Variants in ZBTB16 observed in about 807,000 individuals in gnomAD.
ZBTB16 encodes the protein zinc finger and BTB domain-containing protein 16.
In ZBTB16, 8 loss-of-function variants were observed where a neutral mutation model predicts 56.8. The ratio of observed to expected loss-of-function variants is 0.14; its 90% confidence interval spans 0.08 to 0.25. The LOEUF is 0.25. Among genes scored for constraint, ZBTB16 ranks in the 10% least tolerant of loss-of-function variants. ZBTB16 has a pLI of 1.00. For synonymous variants in ZBTB16, 363 were observed against 368.5 expected, an observed-to-expected ratio of 0.98 and a Z score of 0.17; for missense variants, 625 against 903.0, an observed-to-expected ratio of 0.69 and a Z score of 3.95.
intron 2 of ZBTB16, among the ~76,000 whole-genome samples, chr11:114,148,338 T>TGGC (rs1565651461): frequency 9.4e-5 from 9 of 95,338 alleles, no homozygotes; most frequent in African/African-American, 1.5e-4. Flanking sequence ...GCTGGCTGGC[T>TGGC]TCCTTCCTTC....
chr11:114,068,238 T>C (rs1939197852), intron 2 of ZBTB16, among the ~76,000 whole-genome samples: 1 of 151,896 alleles, frequency 6.6e-6, no homozygotes, highest in Admixed American at 6.6e-5. Context: ...CATTTCTTCT[T>C]GGGGTGGGGG....
chr11:114,079,133 G>A (rs1455598512), intron 2 of ZBTB16, among the ~76,000 whole-genome samples: 1 of 151,020 alleles, frequency 6.6e-6, no homozygotes, highest in African/African-American at 2.4e-5. Flanking sequence ...GAAGAAGGAG[G>A]CACCCTGGAT....
At chr11:114,198,648 G>T (rs1010765438) in intron 4 of ZBTB16, among the ~76,000 whole-genome samples, 4 of 152,146 alleles carry the variant, frequency 2.6e-5, no homozygotes, top group Admixed American at 1.3e-4. Context: ...AGTTCCCACT[G>T]TACCCCCGTC....
chr11:114,211,714 C>T lies in ZBTB16; in HGVS notation c.1453+24676C>T, dbSNP rs1423268368. ...CTTCTTTGCAGTGATTTTCAGAGTC[C>T]CCGTTTGCGTTCGCAGTGGGGAGTT... On this transcript the variant is annotated intron_variant, in intron 4 of 6. Coordinates refer to ENST00000335953, the MANE Select transcript of ZBTB16 (RefSeq NM_006006.6). 5.9e-5 allele frequency among the ~76,000 whole-genome samples: 9 copies of T among 152,296 alleles called. No individual in the cohort carries two copies. The South Asian group carries it at 6.2e-4, about 11-fold the overall frequency.
intron 2 of ZBTB16, among the ~76,000 whole-genome samples, chr11:114,086,397 T>A (rs1276240421): frequency 2.6e-5 from 4 of 152,278 alleles, no homozygotes; most frequent in Non-Finnish European, 1.5e-5. Flanking sequence ...TCTGTCTGTC[T>A]TGGTGCTTGC....
intron 4 of ZBTB16, among the ~76,000 whole-genome samples, chr11:114,196,813 A>G (rs1943621655): frequency 6.6e-6 from 1 of 152,072 alleles, no homozygotes; most frequent in Admixed American, 6.6e-5. Flanking sequence ...CTTTTGAGTT[A>G]TTATTTTTAT....
rs773801156 is a variant in ZBTB16, at chr11:114,210,192, T to TGTGC, written c.1453+23155_1453+23156insTGCG. Among the ~76,000 whole-genome samples, 1,054 of 143,326 alleles carry TGTGC rather than the reference T, an allele frequency of 7.4e-3. 12 individuals are homozygous for TGTGC. Among genetic ancestry groups the TGTGC allele is most frequent in the East Asian group, 0.018 (85 of 4,810 alleles). The allele number at this position is 143,326 out of a possible 152,430, so 94.0% of individuals were successfully genotyped here. ...GTGTGTGTGTGTGTGTGTGTGTGTGTGCGTGCGCGCGCGTGCACAGTTTGT... is the reference window on the plus strand; with the variant it reads ...GTGTGTGTGTGTGTGTGTGTGTGTGTGTGCGCGTGCGCGCGCGTGCACAGTTTGT... On this transcript the variant is annotated intron_variant, in intron 4 of 6. Transcript: ENST00000335953.
intron 2 of ZBTB16, among the ~76,000 whole-genome samples, chr11:114,148,389 C>CTTCCT (rs561369724): frequency 3.3e-5 from 2 of 59,814 alleles, no homozygotes; most frequent in East Asian, 6.3e-4. Flanking sequence ...TCCTTCCTTC[C>CTTCCT]TCCTTCCCTC....
At chr11:114,219,112 G>A (rs1565692569) in intron 4 of ZBTB16, among the ~76,000 whole-genome samples, 1 of 152,308 alleles carries the variant, frequency 6.6e-6, no homozygotes, top group East Asian at 1.9e-4. Context: ...GGGCAGAGTG[G>A]TGGATGCACT....
intron 2 of ZBTB16, among the ~76,000 whole-genome samples, chr11:114,135,981 T>C (rs1941787261): frequency 6.6e-6 from 1 of 152,188 alleles, no homozygotes; most frequent in African/African-American, 2.4e-5. Context: ...CACTTCCTTC[T>C]TGTGGGGGAG....
At chr11:114,238,145 C>T (rs887801847) in intron 4 of ZBTB16, among the ~76,000 whole-genome samples, 2 of 152,232 alleles carry the variant, frequency 1.3e-5, no homozygotes, top group Non-Finnish European at 2.9e-5. Context: ...GATTTTCTCT[C>T]TCCCTTTGCC....
chr11:114,079,714 T>G (rs947370988), intron 2 of ZBTB16, among the ~76,000 whole-genome samples: 3 of 152,216 alleles, frequency 2.0e-5, no homozygotes, highest in Non-Finnish European at 2.9e-5. Context: ...CACTGTCGGC[T>G]GCTGTGTCTG....
intron 2 of ZBTB16, among the ~76,000 whole-genome samples, chr11:114,065,251 A>C (rs1220278144): frequency 6.6e-6 from 1 of 152,214 alleles, no homozygotes; most frequent in Non-Finnish European, 1.5e-5. Context: ...ATCTCTGCTC[A>C]CACTGAACTA....
chr11:114,099,990 C>A (rs771819548), intron 2 of ZBTB16, among the ~76,000 whole-genome samples: 3 of 152,188 alleles, frequency 2.0e-5, no homozygotes, highest in Non-Finnish European at 4.4e-5. Flanking sequence ...CATACACAGT[C>A]AACCCTCCTT....
At chr11:114,095,407 C>A (rs1409197829) in intron 2 of ZBTB16, among the ~76,000 whole-genome samples, 1 of 151,678 alleles carries the variant, frequency 6.6e-6, no homozygotes, top group African/African-American at 2.4e-5. Flanking sequence ...ACTACAGGCG[C>A]CCGCCACCAC....
At chr11:114,145,795 C>T (rs541629928) in intron 2 of ZBTB16, among the ~76,000 whole-genome samples, 4 of 152,158 alleles carry the variant, frequency 2.6e-5, no homozygotes, top group African/African-American at 2.4e-5. Context: ...TTTTGTGGTA[C>T]GTGGAAAATA....
chr11:114,177,313 C>G (rs1219111978), intron 3 of ZBTB16, among the ~76,000 whole-genome samples: 1 of 152,112 alleles, frequency 6.6e-6, no homozygotes, highest in African/African-American at 2.4e-5. Flanking sequence ...TGCAGTGGTG[C>G]GATCTCGGCT....
chr11:114,143,530 G>T lies in ZBTB16; in HGVS notation c.1269-12807G>T, dbSNP rs1467491260. Among the ~76,000 whole-genome samples, 1 of 152,156 alleles carries T rather than the reference G, an allele frequency of 6.6e-6. No homozygotes were observed. Among genetic ancestry groups the T allele is most frequent in the Non-Finnish European group, 1.5e-5 (1 of 68,036 alleles). On this transcript the variant is annotated intron_variant, in intron 2 of 6. Coordinates refer to ENST00000335953, the MANE Select transcript of ZBTB16 (RefSeq NM_006006.6). The surrounding 1 kb of genome is among the most constrained non-coding windows in gnomAD (Gnocchi z 6.4). The stretch of plus-strand genomic sequence containing the variant: ...TGAAATGTCCTTTTGGAAGTATCAG[G>T]TTCCTGCAGGGAGATTACACAAAAA...
chr11:114,205,409 C>CAAAAAAAA (rs771668577), intron 4 of ZBTB16, among the ~76,000 whole-genome samples: 4 of 95,142 alleles, frequency 4.2e-5, no homozygotes, highest in African/African-American at 1.7e-4. Flanking sequence ...GACTCCGTCT[C>CAAAAAAAA]AAAAAAAAAA....
Sources: gnomAD v4.1 joint callset for allele counts (sites outside exome capture counted in the v4.1 genomes callset) on GRCh38, gnomAD v4.1.1 for gene constraint, Gnocchi (gnomAD v3.1) non-coding constraint, MANE v1.5 for transcripts, NCBI Gene and HGNC (gene_info 2026-07-23, HGNC 2026-07-21) for gene names.